ADAMTSL1: variants seen among roughly 807,000 people sequenced by gnomAD.
ADAMTSL1 encodes ADAMTS-like protein 1.
In ADAMTSL1, 126 loss-of-function variants were observed where a neutral mutation model predicts 201.8. That is an observed-to-expected ratio of 0.62 (90% confidence interval 0.54 to 0.72). ADAMTSL1 has a LOEUF of 0.72. Ranked by LOEUF, ADAMTSL1 falls within the 30% of genes least tolerant of loss-of-function variation. ADAMTSL1 has a pLI of 0.00. For synonymous variants in ADAMTSL1, 1,121 were observed against 903.4 expected, an observed-to-expected ratio of 1.24 and a Z score of -4.32; for missense variants, 2,679 against 2,277.8, an observed-to-expected ratio of 1.18 and a Z score of -3.59.
At chr9:18,707,099 C>A in intron 14 of ADAMTSL1, 51 bp downstream of exon 14, 1 of 1,573,214 alleles carries the variant, frequency 6.4e-7, no homozygotes, top group African/African-American at 1.3e-5. Context: ...TGCTCATTTT[C>A]TCTCTCTGCA....
At chr9:18,384,252 G>C (rs1837687883) in intron 2 of ADAMTSL1, among the ~76,000 whole-genome samples, 1 of 152,042 alleles carries the variant, frequency 6.6e-6, no homozygotes, top group Non-Finnish European at 1.5e-5. Flanking sequence ...TGGCAAAACA[G>C]GAGAGACAGC....
At chr9:17,988,936 C>T (rs1391755029) in intron 1 of ADAMTSL1, among the ~76,000 whole-genome samples, 1 of 151,736 alleles carries the variant, frequency 6.6e-6, no homozygotes, top group East Asian at 1.9e-4. Context: ...AATTGCTCTC[C>T]CTTTCCCATG....
intron 2 of ADAMTSL1, among the ~76,000 whole-genome samples, chr9:18,511,357 A>G (rs953045840): frequency 2.0e-5 from 3 of 151,876 alleles, no homozygotes; most frequent in Admixed American, 6.6e-5. Flanking sequence ...TGGCTGTTTC[A>G]TATCTATCCA....
intron 1 of ADAMTSL1, among the ~76,000 whole-genome samples, chr9:18,143,873 G>A (rs185071749): frequency 6.6e-6 from 1 of 152,306 alleles, no homozygotes; most frequent in Middle Eastern, 3.4e-3. Context: ...AGAAGTGAGG[G>A]AACTGCCATT....
chr9:18,394,859 A>G (rs2133237769), intron 2 of ADAMTSL1, among the ~76,000 whole-genome samples: 1 of 152,284 alleles, frequency 6.6e-6, no homozygotes, highest in Middle Eastern at 3.4e-3. Context: ...TTGCCAAGAG[A>G]AAACTTCCCA....
rs1340266388 is a variant in ADAMTSL1, at chr9:18,093,611, A to G, written c.88-70251A>G. On this transcript the variant is annotated intron_variant, in intron 1 of 29. Coordinates refer to the ADAMTSL1 transcript ENST00000680146. ...GGTTATTAAGAAAAATATAAATATT[A>G]TTACTTAGAGTTACAGACTAACAAA... Among the ~76,000 whole-genome samples, 4 of 152,304 alleles carry G rather than the reference A, an allele frequency of 2.6e-5. No individual in the cohort carries two copies. The East Asian group carries it at 7.7e-4, about 29-fold the overall frequency.
chr9:18,839,090 T>G (rs1291490369), intron 23 of ADAMTSL1, among the ~76,000 whole-genome samples: 1 of 151,300 alleles, frequency 6.6e-6, no homozygotes, highest in African/African-American at 2.4e-5. Context: ...ATGTGCAGGT[T>G]ACTTACATAT....
chr9:18,770,291 C>T (rs1820615606), intron 16 of ADAMTSL1, among the ~76,000 whole-genome samples: 1 of 152,160 alleles, frequency 6.6e-6, no homozygotes, highest in South Asian at 2.1e-4. Context: ...ATTATACTAA[C>T]CTTTTAAACC....
chr9:18,876,411 T>C (rs1247894861), intron 23 of ADAMTSL1, among the ~76,000 whole-genome samples: 11 of 151,958 alleles, frequency 7.2e-5, no homozygotes, highest in Non-Finnish European at 1.6e-4. Flanking sequence ...GTTTCAAGAT[T>C]TAGAGCCCCT....
intron 1 of ADAMTSL1, among the ~76,000 whole-genome samples, chr9:18,064,379 G>C (rs1015922349): frequency 1.3e-5 from 2 of 152,200 alleles, no homozygotes; most frequent in Non-Finnish European, 2.9e-5. Flanking sequence ...TGGAATTTGA[G>C]AACTCAGGTT....
At chr9:18,494,360 A>G (rs530482616) in intron 1 of ADAMTSL1, among the ~76,000 whole-genome samples, 1 of 152,112 alleles carries the variant, frequency 6.6e-6, no homozygotes, top group Non-Finnish European at 1.5e-5. Flanking sequence ...AAAAAAAAAA[A>G]AAACCAGGCC....
At chr9:18,070,004 A>G (rs950230309) in intron 1 of ADAMTSL1, among the ~76,000 whole-genome samples, 28 of 152,330 alleles carry the variant, frequency 1.8e-4, no homozygotes, top group Non-Finnish European at 3.4e-4. Flanking sequence ...TCAGGTTTAG[A>G]CATATTGAGT....
intron 2 of ADAMTSL1, among the ~76,000 whole-genome samples, chr9:18,226,591 C>G (rs1463265051): frequency 1.3e-5 from 2 of 152,112 alleles, no homozygotes; most frequent in Non-Finnish European, 2.9e-5. Flanking sequence ...TCTCATGATT[C>G]TGATCAGATC....
chr9:18,621,957 T>C (rs1826062807), intron 4 of ADAMTSL1, among the ~76,000 whole-genome samples: 1 of 152,196 alleles, frequency 6.6e-6, no homozygotes, highest in Non-Finnish European at 1.5e-5. Flanking sequence ...CTCATCTCTC[T>C]TACTTTCTCC....
chr9:18,600,295 A>G (rs932578809), intron 4 of ADAMTSL1, among the ~76,000 whole-genome samples: 1 of 152,098 alleles, frequency 6.6e-6, no homozygotes, highest in African/African-American at 2.4e-5. Flanking sequence ...CATGCCAGAC[A>G]CTCCCAAGTA....
intron 1 of ADAMTSL1, among the ~76,000 whole-genome samples, chr9:17,947,752 C>T (rs1827567811): frequency 6.6e-6 from 1 of 152,158 alleles, no homozygotes; most frequent in Non-Finnish European, 1.5e-5. Flanking sequence ...ATAAGTCAAG[C>T]ATCCAGTTAA....
At chr9:18,800,174 T>C (rs1822694883) in intron 20 of ADAMTSL1, among the ~76,000 whole-genome samples, 1 of 151,924 alleles carries the variant, frequency 6.6e-6, no homozygotes. Flanking sequence ...GTCAGGAGTT[T>C]GAGACCAGCC....
chr9:18,431,877 A>T (rs1157808612), intron 2 of ADAMTSL1, among the ~76,000 whole-genome samples: 1 of 152,166 alleles, frequency 6.6e-6, no homozygotes, highest in African/African-American at 2.4e-5. Flanking sequence ...ACTAATATCT[A>T]TATAGGCTGG....
chr9:18,623,098 G>A (rs1826134725), intron 5 of ADAMTSL1, among the ~76,000 whole-genome samples: 1 of 152,160 alleles, frequency 6.6e-6, no homozygotes, highest in South Asian at 2.1e-4. Flanking sequence ...GTTTCACCAT[G>A]TTGGCCGGGC....
Sources: allele counts gnomAD v4.1 joint callset (sites outside exome capture counted in the v4.1 genomes callset), GRCh38; gene constraint gnomAD v4.1.1; transcripts MANE v1.5; gene names NCBI Gene and HGNC (gene_info 2026-07-23, HGNC 2026-07-21).